The following IFT88 variants were observed in gnomAD, a reference collection of about 807,000 sequenced individuals.
IFT88 encodes the protein intraflagellar transport protein 88 homolog.
In IFT88, 74 loss-of-function variants were observed where a neutral mutation model predicts 119.5. The observed-to-expected ratio is 0.62, with a 90% confidence interval of 0.51 to 0.75. The LOEUF (loss-of-function observed/expected upper bound fraction) is 0.75. Ranked by LOEUF, IFT88 falls within the 30% of genes least tolerant of loss-of-function variation. The pLI is 0.00. For synonymous variants in IFT88, 279 were observed against 316.7 expected, an observed-to-expected ratio of 0.88 and a Z score of 1.26; for missense variants, 961 against 977.7, an observed-to-expected ratio of 0.98 and a Z score of 0.23.
In IFT88 at chr13:20,663,519, T is replaced by G; in HGVS notation, c.2090T>G (p.Leu697Arg). 4 of 1,613,918 alleles carry G rather than the reference T, an allele frequency of 2.5e-6. No homozygotes were observed. Among genetic ancestry groups the G allele is most frequent in the Non-Finnish European group, 3.4e-6 (4 of 1,179,928 alleles). Residue 697 changes from leucine to arginine, a missense_variant, in exon 23 of 26, where the codon CTC (leucine) becomes CGC (arginine). Coordinates refer to ENST00000351808, the MANE Select transcript of IFT88 (RefSeq NM_006531.5). ...TTAGGTCTGCGTTTCTTAGTTCGTC[T>G]CTGCACAGATCTTGGATTAAAAGAT... ...NVECLRFLVRLCTDLGLKDAQ... is the reference protein window; with the variant it reads ...NVECLRFLVRRCTDLGLKDAQ...
At chr13:20,652,820 A>T (rs893224084) in intron 20 of IFT88, among the ~76,000 whole-genome samples, 2 of 152,198 alleles carry the variant, frequency 1.3e-5, no homozygotes, top group African/African-American at 4.8e-5. Context: ...CAGTCTATCC[A>T]TGTGGCATTA....
chr13:20,643,731 A>G, intron 19 of IFT88, 126 bp downstream of exon 19: 1 of 702,336 alleles, frequency 1.4e-6, no homozygotes, highest in Non-Finnish European at 2.3e-6. Context: ...AAAATAAAGC[A>G]TTCTTGGAAA....
intron 11 of IFT88, among the ~76,000 whole-genome samples, chr13:20,599,987 A>T (rs2042339271): frequency 6.6e-6 from 1 of 152,138 alleles, no homozygotes; most frequent in Non-Finnish European, 1.5e-5. Flanking sequence ...GGAAGCTGGG[A>T]TATTTTCTAT....
In IFT88 at chr13:20,611,805, C is replaced by T. The variant is rs556938451; in HGVS notation, c.1113-3988C>T. Among the ~76,000 whole-genome samples, 6 of 152,140 alleles carry T rather than the reference C, an allele frequency of 3.9e-5. No homozygotes were observed. In the South Asian group the frequency reaches 8.3e-4, roughly 21 times the overall value. ...ATTTTTAGTAGACATAAGGTTTCAC[C>T]GTGTTGGCCAGGCTGGTCTTGAACT... On this transcript the variant is annotated intron_variant, in intron 13 of 25. Transcript: ENST00000351808.
At chr13:20,575,510 G>T (rs1310656250) in intron 2 of IFT88, among the ~76,000 whole-genome samples, 1 of 152,126 alleles carries the variant, frequency 6.6e-6, no homozygotes, top group Non-Finnish European at 1.5e-5. Context: ...AGCATTGGAG[G>T]TGAGACCTGG....
chr13:20,586,578 T>C (rs932871940), intron 3 of IFT88, among the ~76,000 whole-genome samples: 8 of 152,196 alleles, frequency 5.3e-5, no homozygotes, highest in African/African-American at 1.9e-4. Flanking sequence ...GGGTACAAGA[T>C]GAATGAGGGA....
chr13:20,601,631 C>T (rs2042608585), intron 11 of IFT88, 74 bp from the exon 12 acceptor site: 3 of 940,124 alleles, frequency 3.2e-6, no homozygotes, highest in Non-Finnish European at 1.6e-6. Context: ...AAAAAGAAAA[C>T]TATTTGTGAA....
intron 12 of IFT88, among the ~76,000 whole-genome samples, chr13:20,603,049 C>A (rs146040561): frequency 1.0e-3 from 159 of 152,150 alleles, no homozygotes; most frequent in African/African-American, 3.7e-3. Context: ...AGAATTGACA[C>A]CAATATAAAA....
At chr13:20,665,227 A>C (rs760302135) in intron 23 of IFT88, among the ~76,000 whole-genome samples, 1 of 152,238 alleles carries the variant, frequency 6.6e-6, no homozygotes, top group African/African-American at 2.4e-5. Context: ...CCCCAAAGTA[A>C]TCAGGAAACA....
intron 16 of IFT88, among the ~76,000 whole-genome samples, chr13:20,638,076 G>A (rs1038221251): frequency 1.3e-5 from 2 of 152,162 alleles, no homozygotes; most frequent in African/African-American, 4.8e-5. Context: ...CGTTGAGTAT[G>A]GAACCACCTA....
At chr13:20,674,148 C>T (rs1286368889) in intron 24 of IFT88, among the ~76,000 whole-genome samples, 5 of 152,172 alleles carry the variant, frequency 3.3e-5, no homozygotes, top group African/African-American at 1.2e-4. Flanking sequence ...GCACAGGCCA[C>T]ACTCCAAGGC....
At position 20,582,960 on chromosome 13, in the gene IFT88, T is replaced by G; in HGVS notation, c.94T>G (p.Leu32Val). 6.2e-7 allele frequency: 1 copy of G among 1,611,906 alleles called. No homozygotes were observed. Reference protein sequence around the residue: ...DYNPIYDIEELENDAAFQQAV... With the variant: ...DYNPIYDIEEVENDAAFQQAV... The stretch of plus-strand genomic sequence containing the variant: ...TAAATTTGCGTTTTCATTTTAGGAA[T>G]TGGAGAATGATGCAGCTTTTCAGCA... Residue 32 changes from leucine to valine, a missense_variant, in exon 3 of 26, where the codon TTG becomes GTG. Physicochemically the swap from Leu to Val is conservative, Grantham distance 32. Transcript: ENST00000351808.
chr13:20,610,269 C>G (rs962027057), intron 13 of IFT88, among the ~76,000 whole-genome samples: 2 of 152,050 alleles, frequency 1.3e-5, no homozygotes, highest in African/African-American at 4.8e-5. Context: ...TGTCCCTGTT[C>G]GCTAGTCTGT....
chr13:20,650,280 A>T (rs1473324073), intron 20 of IFT88, among the ~76,000 whole-genome samples: 1 of 152,170 alleles, frequency 6.6e-6, no homozygotes, highest in African/African-American at 2.4e-5. Flanking sequence ...CATCATTCGC[A>T]AGTGGTATTT....
At chr13:20,655,509 T>C (rs1315857073) in intron 21 of IFT88, among the ~76,000 whole-genome samples, 1 of 151,840 alleles carries the variant, frequency 6.6e-6, no homozygotes, top group Non-Finnish European at 1.5e-5. Context: ...TTCATTCATT[T>C]TGAGACAGAG....
Position 20,690,743 on chromosome 13 carries a change from C to T in IFT88, c.2281C>T (p.Arg761Ter), listed in dbSNP as rs752479820. The change falls in exon 25 of 26, where the codon CGA becomes TGA. Residue 761 changes from arginine to a stop codon, truncating the protein, a stop_gained. Coordinates refer to ENST00000351808, the MANE Select transcript of IFT88 (RefSeq NM_006531.5). LOFTEE classifies it high-confidence loss of function. ...CTATAGTGCCAGTAGTAAAGGTGAA[C>T]GACTAAGTGCCAGACTCAGAGCTTT... ...QNYSASSKGE[R>*]LSARLRALPG... The T allele has an allele frequency of 8.7e-6, 14 of 1,613,486 alleles. 1 individual carries two copies. Among genetic ancestry groups the T allele is most frequent in the African/African-American group, 2.7e-5 (2 of 74,892 alleles).
chr13:20,610,066 G>C (rs1000436290), intron 13 of IFT88, among the ~76,000 whole-genome samples: 25 of 149,974 alleles, frequency 1.7e-4, no homozygotes, highest in African/African-American at 6.1e-4. Flanking sequence ...ATGCTTCCCT[G>C]TTCAGAGAGG....
intron 12 of IFT88, among the ~76,000 whole-genome samples, chr13:20,603,781 C>T (rs975039707): frequency 6.6e-6 from 1 of 152,130 alleles, no homozygotes; most frequent in Non-Finnish European, 1.5e-5. Flanking sequence ...CCTGTAGTCC[C>T]AGCTACTTGG....
intron 13 of IFT88, among the ~76,000 whole-genome samples, chr13:20,613,709 A>C (rs1474454336): frequency 6.6e-6 from 1 of 152,130 alleles, no homozygotes; most frequent in Non-Finnish European, 1.5e-5. Flanking sequence ...TATAAATAAT[A>C]TATGGTCTAT....
Sources: gnomAD v4.1 joint callset for allele counts (sites outside exome capture counted in the v4.1 genomes callset) on GRCh38, gnomAD v4.1.1 for gene constraint, MANE v1.5 for transcripts, NCBI Gene and HGNC (gene_info 2026-07-23, HGNC 2026-07-21) for gene names.